The following MAP2 variants were observed in gnomAD, a reference collection of about 807,000 sequenced individuals.
The protein encoded by MAP2 is microtubule associated protein 2.
In MAP2, 14 loss-of-function variants were observed where a neutral mutation model predicts 137.6. The observed-to-expected ratio is 0.10, with a 90% CI of 0.07 to 0.16. The LOEUF (loss-of-function observed/expected upper bound fraction) is 0.16, where lower values mean the gene tolerates loss of function less well. Ranked by LOEUF, MAP2 falls within the 10% of genes least tolerant of loss-of-function variation. The pLI is 1.00. For synonymous variants in MAP2, 786 were observed against 782.3 expected, an observed-to-expected ratio of 1.00 and a Z score of -0.08; for missense variants, 2,088 against 2,191.5, an observed-to-expected ratio of 0.95 and a Z score of 0.94.
intron 3 of MAP2, among the ~76,000 whole-genome samples, chr2:209,607,784 T>TG (rs1274448478): frequency 6.6e-6 from 1 of 152,240 alleles, no homozygotes; most frequent in Non-Finnish European, 1.5e-5. Flanking sequence ...GCACTATTGC[T>TG]GGATCCTCAC....
intron 3 of MAP2, among the ~76,000 whole-genome samples, chr2:209,622,756 G>A (rs1045981344): frequency 6.6e-6 from 1 of 151,996 alleles, no homozygotes; most frequent in Non-Finnish European, 1.5e-5. Context: ...GCCATAAGTT[G>A]CTCTTTAAAA....
chr2:209,648,788 C>CAAAAA (rs767514301), intron 4 of MAP2, among the ~76,000 whole-genome samples: 3 of 80,488 alleles, frequency 3.7e-5, no homozygotes, highest in South Asian at 3.9e-4. Context: ...GACTCCGTCT[C>CAAAAA]AAAAAAAAAA....
chr2:209,615,938 T>G (rs2089169102), intron 3 of MAP2, among the ~76,000 whole-genome samples: 1 of 152,148 alleles, frequency 6.6e-6, no homozygotes, highest in Non-Finnish European at 1.5e-5. Flanking sequence ...CACTCCCCAT[T>G]CTGAGTTCAT....
At chr2:209,482,345 C>T (rs2123699) in intron 1 of MAP2, among the ~76,000 whole-genome samples, 124,050 of 151,966 alleles carry the variant, frequency 0.82, 51,767 homozygotes, top group Non-Finnish European at 0.92. Flanking sequence ...AAAAAACTCA[C>T]AGTCATCATG....
intron 4 of MAP2, among the ~76,000 whole-genome samples, chr2:209,652,527 G>T (rs2094877381): frequency 1.3e-5 from 2 of 152,048 alleles, no homozygotes; most frequent in Admixed American, 1.3e-4. Context: ...CAACGTGCAG[G>T]TTTGTTACAT....
intron 1 of MAP2, among the ~76,000 whole-genome samples, chr2:209,487,453 T>C (rs2058528834): frequency 6.6e-6 from 1 of 152,122 alleles, no homozygotes; most frequent in Non-Finnish European, 1.5e-5. Flanking sequence ...CTGGAGAAAA[T>C]CTAGGTTGTG....
intron 2 of MAP2, among the ~76,000 whole-genome samples, chr2:209,526,837 G>A (rs930410391): frequency 4.0e-5 from 6 of 151,872 alleles, no homozygotes; most frequent in African/African-American, 1.5e-4. Flanking sequence ...TTTCATACCT[G>A]AGATATAAGA....
chr2:209,549,271 A>G (rs1042397890), intron 2 of MAP2, among the ~76,000 whole-genome samples: 5 of 152,180 alleles, frequency 3.3e-5, no homozygotes, highest in Non-Finnish European at 7.4e-5. Context: ...TAGACAGTGG[A>G]CAGTGTCTAC....
chr2:209,706,789 TG>T (rs975296390), intron 12 of MAP2, among the ~76,000 whole-genome samples: 1 of 152,132 alleles, frequency 6.6e-6, no homozygotes, highest in Non-Finnish European at 1.5e-5. Context: ...TGATAATAAT[TG>T]GCCCACTTAA....
chr2:209,586,895 A>G (rs1261274196), intron 3 of MAP2, among the ~76,000 whole-genome samples: 1 of 152,202 alleles, frequency 6.6e-6, no homozygotes, highest in African/African-American at 2.4e-5. Flanking sequence ...CTTCTTATTC[A>G]GCAACATAGC....
intron 3 of MAP2, among the ~76,000 whole-genome samples, chr2:209,606,043 C>A (rs2084606486): frequency 6.6e-6 from 1 of 151,892 alleles, no homozygotes; most frequent in Admixed American, 6.6e-5. Flanking sequence ...TATAAATGAT[C>A]AGTTTTTTTA....
intron 4 of MAP2, among the ~76,000 whole-genome samples, chr2:209,645,043 G>A (rs1038197439): frequency 2.6e-5 from 4 of 152,120 alleles, no homozygotes; most frequent in Admixed American, 1.3e-4. Flanking sequence ...TATGACAGCT[G>A]TACTTTATTT....
Position 209,729,861 on chromosome 2 carries a change from G to T in MAP2, c.5167G>T (p.Val1723Leu), listed in dbSNP as rs768272221. 1.2e-6 allele frequency: 2 copies of T among 1,611,138 alleles called. No individual in the cohort carries two copies. The highest frequency in any genetic ancestry group is 1.1e-5 in the South Asian group (1 of 90,838). The change falls in exon 15 of 16, where the codon GTG becomes TTG. Residue 1723 changes from valine (V) to leucine (L), a missense_variant. This residue lies in a region of MAP2 where 112 missense variants were observed against 201.0 expected (regional missense o/e 0.56). Transcript: ENST00000682079. ...TTCTTCCCTCATAGGTGGCGGACGTGTGAAAATTGAGAGTGTAAAACTAGA... is the reference window on the plus strand; with the variant it reads ...TTCTTCCCTCATAGGTGGCGGACGTTTGAAAATTGAGAGTGTAAAACTAGA... ...NIRHRPGGGR[V>L]KIESVKLDFK...
chr2:209,699,810 C>T (rs1250711113), intron 10 of MAP2, among the ~76,000 whole-genome samples: 1 of 152,012 alleles, frequency 6.6e-6, no homozygotes, highest in Non-Finnish European at 1.5e-5. Context: ...TGTAAAATAC[C>T]GAAATATCTA....
chr2:209,511,667 C>T (rs1305362047), intron 2 of MAP2, among the ~76,000 whole-genome samples: 4 of 152,032 alleles, frequency 2.6e-5, no homozygotes, highest in African/African-American at 9.7e-5. Context: ...AACCCTTGGG[C>T]TCAAGTTGTC....
In MAP2 at chr2:209,627,539, T is replaced by C. The variant is rs145130011; in HGVS notation, c.-30+2410T>C. Among the ~76,000 whole-genome samples the C allele has an allele frequency of 3.3e-3, 495 of 152,242 alleles. 7 individuals are homozygous for C. Among genetic ancestry groups the C allele is most frequent in the Middle Eastern group, 0.02 (6 of 294 alleles). On this transcript the variant is annotated intron_variant, in intron 4 of 15. Coordinates refer to ENST00000682079, the MANE Select transcript of MAP2 (RefSeq NM_001375505.1). ...GGCCCAAATACCTCAGGTAACTTAC[T>C]CAAGATCATATAATGATTGCAGAGC...
rs199753872 is a variant in MAP2 at position 209,695,390 on chromosome 2, G to C, written c.3220G>C (p.Ala1074Pro). The C allele has an allele frequency of 8.1e-6, 13 of 1,613,264 alleles. No homozygotes were observed. The Admixed American group carries it at 1.2e-4, about 14-fold the overall frequency. ...DRRATELKLE[A>P]TQDMTPSSKA... The stretch of plus-strand genomic sequence containing the variant: ...AAGGGCAACAGAGCTAAAACTTGAG[G>C]CTACACAGGACATGACCCCCTCATC... The change falls in exon 8 of 16, where the codon GCT becomes CCT. Residue 1074 changes from alanine to proline, a missense_variant. By Grantham distance (27) the Ala-to-Pro change is conservative. Transcript: ENST00000682079.
At chr2:209,593,699 ATAT>A (rs1331409655) in intron 3 of MAP2, among the ~76,000 whole-genome samples, 1 of 92,322 alleles carries the variant, frequency 1.1e-5, no homozygotes. Context: ...AATATATATT[ATAT>A]TATATTTTAT....
At chr2:209,504,881 T>C (rs2060840832) in intron 1 of MAP2, among the ~76,000 whole-genome samples, 1 of 152,118 alleles carries the variant, frequency 6.6e-6, no homozygotes, top group Non-Finnish European at 1.5e-5. Flanking sequence ...CTGTCTTTCA[T>C]AGCCTAGTGT....
Sources: gnomAD v4.1 joint callset for allele counts (sites outside exome capture counted in the v4.1 genomes callset) on GRCh38, gnomAD v4.1.1 for gene constraint, gnomAD v4.1.1 regional missense constraint, MANE v1.5 for transcripts, NCBI Gene and HGNC (gene_info 2026-07-23, HGNC 2026-07-21) for gene names.